VAT1L: variants seen among roughly 807,000 people sequenced by gnomAD.
VAT1L encodes the protein putative NADPH-dependent quinone oxidoreductase VAT1L.
Under a neutral mutation model 44.1 loss-of-function variants are expected in VAT1L, and 34 were observed. That is an observed-to-expected ratio of 0.77 (90% CI 0.59 to 1.03). VAT1L has a LOEUF of 1.03. Among genes scored for constraint, VAT1L ranks in the 50% least tolerant of loss-of-function variants. The pLI, the probability that VAT1L is intolerant of heterozygous loss-of-function variation, is 0.00. For missense variants in VAT1L, 615 were observed against 538.8 expected (o/e 1.14, Z -1.40); for synonymous variants, 253 against 202.2 (o/e 1.25, Z -2.13).
At chr16:77,859,287 C>A (rs2016892317) in intron 3 of VAT1L, among the ~76,000 whole-genome samples, 1 of 152,072 alleles carries the variant, frequency 6.6e-6, no homozygotes, top group African/African-American at 2.4e-5. Context: ...CAGAGTGAGA[C>A]CCTGTCTCTA....
At chr16:77,802,799 C>T (rs953218485) in intron 1 of VAT1L, among the ~76,000 whole-genome samples, 1 of 152,166 alleles carries the variant, frequency 6.6e-6, no homozygotes, top group Non-Finnish European at 1.5e-5. Context: ...GACTTTGAAA[C>T]CTTGCTCTTG....
intron 3 of VAT1L, among the ~76,000 whole-genome samples, chr16:77,827,120 C>A (rs1258724975): frequency 6.6e-6 from 1 of 152,136 alleles, no homozygotes; most frequent in Non-Finnish European, 1.5e-5. Flanking sequence ...TTTGCTGATA[C>A]CTTTCGACCA....
chr16:77,841,506 G>A (rs552665411), intron 3 of VAT1L, among the ~76,000 whole-genome samples: 4 of 152,276 alleles, frequency 2.6e-5, no homozygotes, highest in East Asian at 1.9e-4. Context: ...CCCTCCTAAT[G>A]GTAGTCATGG....
intron 7 of VAT1L, among the ~76,000 whole-genome samples, chr16:77,924,743 G>A (rs984112463): frequency 1.3e-5 from 2 of 152,270 alleles, no homozygotes; most frequent in Admixed American, 6.5e-5. Flanking sequence ...ACAGGCGTGA[G>A]CCACCACGCC....
At chr16:77,856,945 C>G (rs1170279357) in intron 3 of VAT1L, among the ~76,000 whole-genome samples, 1 of 152,150 alleles carries the variant, frequency 6.6e-6, no homozygotes, top group Non-Finnish European at 1.5e-5. Context: ...TCTGAATCCC[C>G]ATGTTTACGT....
At chr16:77,797,045 T>C (rs1339671525) in intron 1 of VAT1L, among the ~76,000 whole-genome samples, 1 of 151,794 alleles carries the variant, frequency 6.6e-6, no homozygotes, top group African/African-American at 2.4e-5. Context: ...GGGCAGTGGG[T>C]GCACTAAAGG....
rs535475528 is a variant in VAT1L, at chr16:77,975,050, G to A, written c.1162-2547G>A. On this transcript the variant is annotated intron_variant, in intron 8 of 8. Transcript: ENST00000302536. Reference sequence around the variant, plus strand: ...CATGGAGATGCAGGAGGGATCCAGTGAGGTCATTTTAGGGTTAGCACCTGA... The same window carrying A: ...CATGGAGATGCAGGAGGGATCCAGTAAGGTCATTTTAGGGTTAGCACCTGA... Among the ~76,000 whole-genome samples, 7 of 152,196 alleles carry A rather than the reference G, an allele frequency of 4.6e-5. No homozygotes were observed. In the South Asian group the frequency reaches 1.5e-3, roughly 32 times the overall value.
chr16:77,970,628 T>G (rs1195510027), intron 7 of VAT1L, among the ~76,000 whole-genome samples: 1 of 152,228 alleles, frequency 6.6e-6, no homozygotes, highest in African/African-American at 2.4e-5. Flanking sequence ...CTGGGACATA[T>G]AAGTTGCTTC....
chr16:77,860,102 G>A (rs1486891520), intron 3 of VAT1L, among the ~76,000 whole-genome samples: 1 of 152,162 alleles, frequency 6.6e-6, no homozygotes, highest in African/African-American at 2.4e-5. Flanking sequence ...TACAAGCCGA[G>A]GAGAAAGGCC....
chr16:77,852,118 G>A (rs987056321), intron 3 of VAT1L, among the ~76,000 whole-genome samples: 15 of 152,072 alleles, frequency 9.9e-5, no homozygotes, highest in African/African-American at 3.4e-4. Flanking sequence ...TCCCAATCTC[G>A]GGGCTGCCCG....
At chr16:77,906,594 T>A (rs1427152595) in intron 7 of VAT1L, among the ~76,000 whole-genome samples, 1 of 152,228 alleles carries the variant, frequency 6.6e-6, no homozygotes, top group Non-Finnish European at 1.5e-5. Flanking sequence ...CAAAGGCAGC[T>A]ACTGCTGTGA....
intron 4 of VAT1L, 34 bp from the exon 5 acceptor site, chr16:77,876,336 T>C: frequency 1.9e-6 from 3 of 1,579,690 alleles, no homozygotes; most frequent in Non-Finnish European, 1.7e-6. Context: ...TCCTGACAGG[T>C]CACAGAATTT....
At chr16:77,976,984 C>A (rs1168246044) in intron 8 of VAT1L, among the ~76,000 whole-genome samples, 2 of 152,170 alleles carry the variant, frequency 1.3e-5, no homozygotes, top group Non-Finnish European at 2.9e-5. Context: ...GACTTCAACC[C>A]TGGGGACTCT....
At chr16:77,947,271 T>G (rs557111361) in intron 7 of VAT1L, among the ~76,000 whole-genome samples, 2 of 152,314 alleles carry the variant, frequency 1.3e-5, no homozygotes, top group East Asian at 3.9e-4. Flanking sequence ...TAAATCAAAT[T>G]ACCTCAGATC....
intron 7 of VAT1L, among the ~76,000 whole-genome samples, chr16:77,891,284 G>A (rs1258360856): frequency 6.6e-6 from 1 of 152,102 alleles, no homozygotes; most frequent in African/African-American, 2.4e-5. Flanking sequence ...AACCCAGGAG[G>A]TGGAGCTTGC....
chr16:77,953,015 T>C (rs924780739), intron 7 of VAT1L, among the ~76,000 whole-genome samples: 2 of 152,162 alleles, frequency 1.3e-5, no homozygotes, highest in African/African-American at 4.8e-5. Context: ...AACGAGGTCA[T>C]ATCAGATTAG....
chr16:77,846,868 T>C (rs1439535841), intron 3 of VAT1L, among the ~76,000 whole-genome samples: 1 of 144,634 alleles, frequency 6.9e-6, no homozygotes, highest in Admixed American at 6.9e-5. Flanking sequence ...TGATTCCAAT[T>C]CTGTGGATAA....
At chr16:77,804,604 C>T (rs1208470521) in intron 1 of VAT1L, among the ~76,000 whole-genome samples, 2 of 152,256 alleles carry the variant, frequency 1.3e-5, no homozygotes, top group African/African-American at 4.8e-5. Flanking sequence ...AAGTCACTTC[C>T]TCCCTCCTCT....
chr16:77,827,098 C>A (rs2016531414), intron 3 of VAT1L, among the ~76,000 whole-genome samples: 1 of 152,200 alleles, frequency 6.6e-6, no homozygotes, highest in Non-Finnish European at 1.5e-5. Context: ...TATCTTCAAT[C>A]ATTTTAGCAA....
Sources: allele counts gnomAD v4.1 joint callset (sites outside exome capture counted in the v4.1 genomes callset), GRCh38; gene constraint gnomAD v4.1.1; transcripts MANE v1.5; gene names NCBI Gene and HGNC (gene_info 2026-07-23, HGNC 2026-07-21).